PRKN: variants seen among roughly 807,000 people sequenced by gnomAD.
The protein encoded by PRKN is parkin RBR E3 ubiquitin protein ligase.
PRKN carries 56 observed loss-of-function variants against 59.5 expected under a neutral mutation model. The ratio of observed to expected loss-of-function variants is 0.94; its 90% CI spans 0.76 to 1.18. The LOEUF (loss-of-function observed/expected upper bound fraction) is 1.18. Among genes scored for constraint, PRKN ranks in the 50% most tolerant of loss-of-function variants. The pLI is 0.00. For missense variants in PRKN, 657 were observed against 596.4 expected, an observed-to-expected ratio of 1.10 and a Z score of -1.06; for synonymous variants, 250 against 222.1, an observed-to-expected ratio of 1.13 and a Z score of -1.12.
Position 162,166,813 on chromosome 6 carries a change from A to G in PRKN, c.534+34318T>C, listed in dbSNP as rs11962376. Among the ~76,000 whole-genome samples, 1,403 of 152,168 alleles carry G rather than the reference A, an allele frequency of 9.2e-3. 24 individuals are homozygous for G. Among genetic ancestry groups the G allele is most frequent in the African/African-American group, 0.032 (1,325 of 41,548 alleles). ...TAGCTTCCCATTCTCTGGAAGCACA[A>G]TTCTATGAGACATTCTCCATAGCTC... On this transcript the variant is annotated intron_variant, in intron 4 of 11. Transcript: ENST00000366898.
At chr6:162,214,643 A>T (rs1269066607) in intron 3 of PRKN, among the ~76,000 whole-genome samples, 1 of 152,144 alleles carries the variant, frequency 6.6e-6, no homozygotes, top group Non-Finnish European at 1.5e-5. Context: ...TATCCAGTAC[A>T]TATGCAAATA....
chr6:162,443,331 C>A lies in PRKN; in HGVS notation c.150G>T (p.Leu50=). 6.2e-7 allele frequency: 1 copy of A among 1,612,658 alleles called. No individual in the cohort carries two copies. The highest frequency in any genetic ancestry group is 8.5e-7 in the Non-Finnish European group (1 of 1,180,024). ...TCACCTGCACAGTCCAGTCATTCCT[C>A]AGCTCCTTCCCTGCGAAAATCACAC... ...QLRVIFAGKE[L]RNDWTVQNCD... Residue 50 remains leucine, a synonymous_variant, in exon 2 of 12, where the codon CTG becomes CTT. Transcript: ENST00000366898.
chr6:162,175,033 G>A (rs1360672397), intron 4 of PRKN, among the ~76,000 whole-genome samples: 1 of 152,120 alleles, frequency 6.6e-6, no homozygotes, highest in South Asian at 2.1e-4. Context: ...GAGACAAGGG[G>A]GACTTCACAG....
intron 7 of PRKN, among the ~76,000 whole-genome samples, chr6:161,571,259 T>C (rs1780878016): frequency 6.6e-6 from 1 of 152,202 alleles, no homozygotes; most frequent in Non-Finnish European, 1.5e-5. Context: ...TATATTATTC[T>C]CTCTGGAAAC....
intron 7 of PRKN, among the ~76,000 whole-genome samples, chr6:161,766,388 A>G (rs1462187798): frequency 6.7e-6 from 1 of 148,418 alleles, no homozygotes; most frequent in East Asian, 2.0e-4. Flanking sequence ...GCTCACTGCA[A>G]CCTCCACCTC....
chr6:162,316,278 GAT>G (rs1252289183), intron 2 of PRKN, among the ~76,000 whole-genome samples: 2 of 151,948 alleles, frequency 1.3e-5, no homozygotes, highest in Non-Finnish European at 2.9e-5. Context: ...AGCCGGATGT[GAT>G]AGAGTCCCAG....
chr6:161,578,158 G>A lies in PRKN; in HGVS notation c.872-8742C>T, dbSNP rs555000012. 1.2e-4 allele frequency among the ~76,000 whole-genome samples: 18 copies of A among 152,012 alleles called. No homozygotes were observed. The highest frequency in any genetic ancestry group is 7.2e-4 in the Admixed American group (11 of 15,272). On this transcript the variant is annotated intron_variant, in intron 7 of 11. Coordinates refer to ENST00000366898, the MANE Select transcript of PRKN (RefSeq NM_004562.3). This position sits in a 1 kb window ranked among gnomAD's most constrained non-coding sequence, Gnocchi z 4.2. ...GTATAAAAAAAGAAAAAGAGGAGGT[G>A]GCTTGGAATCAAAGAGGCCAAAGCC...
At chr6:162,216,382 T>C (rs2128077690) in intron 3 of PRKN, among the ~76,000 whole-genome samples, 1 of 149,292 alleles carries the variant, frequency 6.7e-6, no homozygotes, top group Admixed American at 6.7e-5. Flanking sequence ...TACAAAAAAT[T>C]AGCCGGGCGC....
intron 3 of PRKN, among the ~76,000 whole-genome samples, chr6:162,222,532 T>A (rs1231070570): frequency 6.6e-6 from 1 of 152,184 alleles, no homozygotes; most frequent in Admixed American, 6.5e-5. Context: ...ACTTCAGTCC[T>A]ACAACTTCAG....
chr6:162,389,447 T>C (rs536073578), intron 2 of PRKN, among the ~76,000 whole-genome samples: 2 of 152,290 alleles, frequency 1.3e-5, no homozygotes, highest in African/African-American at 4.8e-5. Flanking sequence ...TATCAAACAA[T>C]GATTAAAAGA....
intron 5 of PRKN, among the ~76,000 whole-genome samples, chr6:161,993,838 GAAAC>G (rs1781740377): frequency 6.6e-6 from 1 of 152,200 alleles, no homozygotes; most frequent in Non-Finnish European, 1.5e-5. Context: ...AGGCAAAGGA[GAAAC>G]AGCATGTGCA....
intron 6 of PRKN, among the ~76,000 whole-genome samples, chr6:161,948,859 G>A (rs1394942165): frequency 6.6e-6 from 1 of 152,214 alleles, no homozygotes; most frequent in African/African-American, 2.4e-5. Context: ...GGCAGTCAGT[G>A]TGCATTTACC....
chr6:162,021,119 CATATATATATATATATATATATATAT>C (rs869269519), intron 5 of PRKN, among the ~76,000 whole-genome samples: 3,915 of 46,552 alleles, frequency 0.084, 716 homozygotes, highest in African/African-American at 0.21. Flanking sequence ...AAAACAAAAA[CATATATATATATATATATATATATAT>C]ATATATATAT....
In PRKN at chr6:161,360,328, T is replaced by TAA. The variant is rs1254872556; in HGVS notation, c.1168-125_1168-124dup. 5 of 787,228 alleles carry TAA rather than the reference T, an allele frequency of 6.4e-6. No individual in the cohort carries two copies. The highest frequency in any genetic ancestry group is 1.1e-5 in the Non-Finnish European group (5 of 440,228). 48.8% of individuals were successfully genotyped at this position (787,228 alleles called of 1,614,324 possible). On this transcript the variant is annotated intron_variant, in intron 10 of 11. Transcript: ENST00000366898. This position sits in a 1 kb window ranked among gnomAD's most constrained non-coding sequence, Gnocchi z 5.1. ...CAGGAGTGCCTTCGGGCAAGAAGCC[T>TAA]AAATATCAATGCACTTGACAAATGC...
intron 11 of PRKN, among the ~76,000 whole-genome samples, chr6:161,358,127 G>A (rs971584119): frequency 7.6e-6 from 1 of 131,752 alleles, no homozygotes; most frequent in Non-Finnish European, 1.6e-5. Flanking sequence ...AAATGTGTGT[G>A]GGGGTGTGGG....
intron 4 of PRKN, among the ~76,000 whole-genome samples, chr6:162,084,978 AG>A (rs997533972): frequency 4.6e-5 from 7 of 151,742 alleles, no homozygotes; most frequent in African/African-American, 1.7e-4. Flanking sequence ...CAAACAAAAA[AG>A]GTTAAAGTGA....
chr6:162,610,196 C>T (rs1782089797), intron 1 of PRKN, among the ~76,000 whole-genome samples: 1 of 152,082 alleles, frequency 6.6e-6, no homozygotes, highest in South Asian at 2.1e-4. Context: ...CACTGTTGTC[C>T]CCATTTAGTG....
intron 3 of PRKN, among the ~76,000 whole-genome samples, chr6:162,213,426 T>C (rs1777488483): frequency 6.6e-6 from 1 of 151,964 alleles, no homozygotes; most frequent in Admixed American, 6.6e-5. Flanking sequence ...GAGCCTAGCA[T>C]GCTCACAATA....
At chr6:161,469,796 T>C (rs1790689793) in intron 9 of PRKN, among the ~76,000 whole-genome samples, 1 of 152,176 alleles carries the variant, frequency 6.6e-6, no homozygotes, top group African/African-American at 2.4e-5. Flanking sequence ...AATAAATCTG[T>C]GTTGTTTTCA....
Sources: allele counts gnomAD v4.1 joint callset (sites outside exome capture counted in the v4.1 genomes callset), GRCh38; gene constraint gnomAD v4.1.1; non-coding constraint Gnocchi (gnomAD v3.1); transcripts MANE v1.5; gene names NCBI Gene and HGNC (gene_info 2026-07-23, HGNC 2026-07-21).